The following DPP10 variants were observed in gnomAD, a reference collection of about 807,000 sequenced individuals.
DPP10 encodes dipeptidyl peptidase like 10.
DPP10 carries 33 observed loss-of-function variants against 120.9 expected under a neutral mutation model. The observed-to-expected ratio is 0.27, with a 90% CI of 0.21 to 0.37. The LOEUF (loss-of-function observed/expected upper bound fraction) is 0.37, where lower values mean the gene tolerates loss of function less well. DPP10 is among the 10% of genes least tolerant of loss of function. The pLI is 1.00. For synonymous variants in DPP10, 337 were observed against 326.1 expected (o/e 1.03, Z -0.36); for missense variants, 816 against 942.8 (o/e 0.87, Z 1.76).
intron 7 of DPP10, among the ~76,000 whole-genome samples, chr2:115,721,313 G>A (rs2092643627): frequency 1.3e-5 from 2 of 152,102 alleles, no homozygotes; most frequent in Non-Finnish European, 2.9e-5. Context: ...TGGGTCATAA[G>A]AAATTTACAT....
chr2:114,906,088 G>A (rs147620656), intron 1 of DPP10, among the ~76,000 whole-genome samples: 160 of 152,074 alleles, frequency 1.1e-3, no homozygotes, highest in East Asian at 7.4e-3. Flanking sequence ...AATAGAAGTC[G>A]TGAACCTGGG....
intron 1 of DPP10, among the ~76,000 whole-genome samples, chr2:114,584,570 A>G (rs1416946507): frequency 3.7e-5 from 4 of 109,210 alleles, no homozygotes; most frequent in Non-Finnish European, 5.2e-5. Flanking sequence ...AACAGGCCCC[A>G]GAGTGTGATG....
chr2:114,547,004 A>G (rs934362209), intron 1 of DPP10, among the ~76,000 whole-genome samples: 2 of 152,188 alleles, frequency 1.3e-5, no homozygotes, highest in Non-Finnish European at 2.9e-5. Flanking sequence ...TTCTGTGGTA[A>G]AAGCATGGAT....
At chr2:115,785,528 G>C (rs1313754341) in intron 17 of DPP10, among the ~76,000 whole-genome samples, 1 of 152,202 alleles carries the variant, frequency 6.6e-6, no homozygotes, top group East Asian at 1.9e-4. Flanking sequence ...TTATCGGTCT[G>C]TTCAGGGTTT....
chr2:115,033,527 A>G (rs1344204778), intron 1 of DPP10, among the ~76,000 whole-genome samples: 1 of 152,088 alleles, frequency 6.6e-6, no homozygotes, highest in Non-Finnish European at 1.5e-5. Context: ...AGCAATGGTC[A>G]CTTGGCCTCC....
intron 5 of DPP10, among the ~76,000 whole-genome samples, chr2:115,549,502 T>G (rs2079741314): frequency 6.6e-6 from 1 of 152,138 alleles, no homozygotes. Context: ...GATGACTGTT[T>G]CTGTCACTGC....
At chr2:115,675,799 T>G (rs78883047) in intron 5 of DPP10, among the ~76,000 whole-genome samples, 1,922 of 152,282 alleles carry the variant, frequency 0.013, 32 homozygotes, top group African/African-American at 0.041. Flanking sequence ...CCCAGGTTAT[T>G]GCAGCACAAT....
At chr2:115,627,884 A>T (rs4396729) in intron 5 of DPP10, among the ~76,000 whole-genome samples, 150,605 of 152,332 alleles carry the variant, frequency 0.99, 74,476 homozygotes, top group East Asian at 1. Flanking sequence ...CTGTATAACA[A>T]TCCATGATGT....
chr2:115,403,701 G>T (rs1030500325), intron 3 of DPP10, among the ~76,000 whole-genome samples: 1 of 152,078 alleles, frequency 6.6e-6, no homozygotes, highest in Non-Finnish European at 1.5e-5. Context: ...ACCGTGCCTG[G>T]CCACACCACT....
chr2:115,575,251 A>G (rs1454021178), intron 5 of DPP10, among the ~76,000 whole-genome samples: 1 of 152,218 alleles, frequency 6.6e-6, no homozygotes, highest in Non-Finnish European at 1.5e-5. Flanking sequence ...TCAATAAATA[A>G]ACTTGCTCAT....
Position 115,800,905 on chromosome 2 carries a change from C to T in DPP10, c.1700+9549C>T, listed in dbSNP as rs578145473. ...CTTTGTTCTTTTGGCTTAGGATTGA[C>T]TTGGCAATGCGGGCTCTTTTTTGGT... On this transcript the variant is annotated intron_variant, in intron 19 of 25. Transcript: ENST00000410059. 6.0e-3 allele frequency among the ~76,000 whole-genome samples: 907 copies of T among 151,628 alleles called. 17 individuals are homozygous for T. The highest frequency in any genetic ancestry group is 0.021 in the African/African-American group (867 of 41,308).
At chr2:114,572,090 A>T (rs1689703315) in intron 1 of DPP10, among the ~76,000 whole-genome samples, 1 of 151,586 alleles carries the variant, frequency 6.6e-6, no homozygotes, top group South Asian at 2.1e-4. Context: ...CTACCATCCA[A>T]ATCTGTCTCT....
intron 3 of DPP10, among the ~76,000 whole-genome samples, chr2:115,411,580 C>T (rs918188436): frequency 7.9e-5 from 12 of 152,066 alleles, no homozygotes; most frequent in Admixed American, 1.3e-4. Flanking sequence ...AGTTTCATTA[C>T]GGAGAAGCAA....
intron 9 of DPP10, among the ~76,000 whole-genome samples, chr2:115,740,639 A>G (rs1677138303): frequency 6.6e-6 from 1 of 152,146 alleles, no homozygotes; most frequent in Non-Finnish European, 1.5e-5. Flanking sequence ...TATGTTCCAG[A>G]CAGCAAAACT....
chr2:115,647,071 A>C (rs2087327688), intron 5 of DPP10, among the ~76,000 whole-genome samples: 1 of 152,146 alleles, frequency 6.6e-6, no homozygotes, highest in South Asian at 2.1e-4. Context: ...TGGAGACAAG[A>C]GATTTATCTA....
chr2:115,838,733 G>A (rs954376784), intron 24 of DPP10, among the ~76,000 whole-genome samples: 3 of 152,088 alleles, frequency 2.0e-5, no homozygotes, highest in African/African-American at 7.2e-5. Context: ...TACAAGCAGA[G>A]GTTCAGCCCT....
intron 7 of DPP10, among the ~76,000 whole-genome samples, chr2:115,701,573 A>C: frequency 6.6e-6 from 1 of 152,120 alleles, no homozygotes; most frequent in East Asian, 1.9e-4. Flanking sequence ...ATGACACAAA[A>C]GACACATGAA....
intron 3 of DPP10, among the ~76,000 whole-genome samples, chr2:115,459,236 AACC>A (rs2073827376): frequency 6.6e-6 from 1 of 151,800 alleles, no homozygotes; most frequent in Admixed American, 6.6e-5. Flanking sequence ...GTCTCACTGC[AACC>A]ACCACCTCCC....
At chr2:115,335,146 C>T (rs1003358701) in intron 2 of DPP10, among the ~76,000 whole-genome samples, 5 of 151,652 alleles carry the variant, frequency 3.3e-5, no homozygotes, top group African/African-American at 9.7e-5. Context: ...TTTTTAAAAC[C>T]GTGAGATCTC....
Sources: allele counts gnomAD v4.1 joint callset (sites outside exome capture counted in the v4.1 genomes callset), GRCh38; gene constraint gnomAD v4.1.1; transcripts MANE v1.5; gene names NCBI Gene and HGNC (gene_info 2026-07-23, HGNC 2026-07-21).